RBFOX1: variants seen among roughly 807,000 people sequenced by gnomAD.
RBFOX1 encodes RNA binding protein fox-1 homolog 1.
RBFOX1 carries 8 observed loss-of-function variants against 57.7 expected under a neutral mutation model. The observed-to-expected ratio is 0.14, with a 90% CI of 0.08 to 0.25. RBFOX1 has a LOEUF of 0.25. Ranked by LOEUF, RBFOX1 falls within the 10% of genes least tolerant of loss-of-function variation. The probability of loss-of-function intolerance (pLI) is 1.00; values close to 1 mark genes in which losing one functional copy is unlikely to be tolerated. For missense variants in RBFOX1, 611 were observed against 548.5 expected, an observed-to-expected ratio of 1.11 and a Z score of -1.14; for synonymous variants, 326 against 222.4, an observed-to-expected ratio of 1.47 and a Z score of -4.15.
At chr16:6,313,836 T>A (rs956424453) in intron 1 of RBFOX1, among the ~76,000 whole-genome samples, 12 of 134,136 alleles carry the variant, frequency 8.9e-5, no homozygotes, top group Admixed American at 3.0e-4. Flanking sequence ...AAAAAAAAAA[T>A]AACACTAAAT....
At chr16:5,334,084 T>A (rs544052870) in intron 1 of RBFOX1, among the ~76,000 whole-genome samples, 79 of 152,118 alleles carry the variant, frequency 5.2e-4, no homozygotes, top group Non-Finnish European at 9.1e-4. Context: ...TCTTACAGAC[T>A]AAGAGTATTT....
chr16:6,617,927 T>A (rs927567362), intron 2 of RBFOX1, among the ~76,000 whole-genome samples: 2 of 152,152 alleles, frequency 1.3e-5, no homozygotes, highest in African/African-American at 4.8e-5. Flanking sequence ...AACAAAACTT[T>A]TCAAACATGG....
chr16:6,401,862 C>A (rs1394620577), intron 2 of RBFOX1, among the ~76,000 whole-genome samples: 1 of 151,638 alleles, frequency 6.6e-6, no homozygotes, highest in East Asian at 1.9e-4. Context: ...TCTAGTAAAT[C>A]CATCAATAAC....
At chr16:6,628,719 G>A (rs112632244) in intron 2 of RBFOX1, among the ~76,000 whole-genome samples, 1 of 152,124 alleles carries the variant, frequency 6.6e-6, no homozygotes, top group East Asian at 1.9e-4. Context: ...GGGACCGTTT[G>A]ATGAGGTTTG....
At position 7,368,330 on chromosome 16, in the gene RBFOX1, A is replaced by G. The variant is rs372556246; in HGVS notation, c.28-149817A>G. 2.6e-4 allele frequency among the ~76,000 whole-genome samples: 40 copies of G among 151,894 alleles called. 1 individual carries two copies. In the East Asian group the frequency reaches 2.7e-3, roughly 10 times the overall value. On this transcript the variant is annotated intron_variant, in intron 4 of 15. Coordinates refer to ENST00000550418, the MANE Select transcript of RBFOX1 (RefSeq NM_018723.4). ...TTTTCAAATTAGTGTTTGATAGTCT[A>G]TCCATTTTGGGGTTTCTTTCCCTGT...
At chr16:6,760,835 T>C (rs1482311035) in intron 3 of RBFOX1, among the ~76,000 whole-genome samples, 1 of 152,168 alleles carries the variant, frequency 6.6e-6, no homozygotes, top group Non-Finnish European at 1.5e-5. Context: ...CAACAGTGTG[T>C]GGCCCCAGGG....
chr16:5,858,627 G>C (rs971465233), intron 3 of RBFOX1, among the ~76,000 whole-genome samples: 15 of 152,214 alleles, frequency 9.9e-5, no homozygotes, highest in African/African-American at 2.9e-4. Flanking sequence ...TTTCAAGCAA[G>C]TGCATGTAAA....
At chr16:6,702,742 T>A (rs12445646) in intron 3 of RBFOX1, among the ~76,000 whole-genome samples, 71,548 of 152,186 alleles carry the variant, frequency 0.47, 19,847 homozygotes, top group Non-Finnish European at 0.61. Flanking sequence ...TTAGATTTTT[T>A]AAATTATTTT....
chr16:6,204,810 C>T (rs2097242976), intron 1 of RBFOX1, among the ~76,000 whole-genome samples: 2 of 151,958 alleles, frequency 1.3e-5, no homozygotes, highest in Non-Finnish European at 2.9e-5. Context: ...TGTGTGTGTG[C>T]CTGCATGTGT....
intron 3 of RBFOX1, among the ~76,000 whole-genome samples, chr16:7,008,140 A>G (rs529025927): frequency 2.0e-5 from 3 of 152,342 alleles, no homozygotes; most frequent in African/African-American, 7.2e-5. Context: ...AAAAAAATAT[A>G]TATCCACAGC....
In RBFOX1 at chr16:6,935,308, C is replaced by T. The variant is rs114640211; in HGVS notation, c.-15-116749C>T. 8.6e-3 allele frequency among the ~76,000 whole-genome samples: 1,313 copies of T among 152,176 alleles called. 25 individuals carry two copies. The highest frequency in any genetic ancestry group is 0.03 in the African/African-American group (1,245 of 41,526). ...GAGTGGTAGTTTCAGACGATCTCTC[C>T]AAGTCTTTGATAGTTTCCCTTCATA... On this transcript the variant is annotated intron_variant, in intron 3 of 15. Transcript: ENST00000550418.
In RBFOX1 at chr16:7,522,683, C is replaced by T. The variant is rs148300383; in HGVS notation, c.270+4294C>T. Among the ~76,000 whole-genome samples the T allele has an allele frequency of 1.2e-3, 190 of 152,030 alleles. 2 individuals are homozygous for T. The highest frequency in any genetic ancestry group is 4.3e-3 in the African/African-American group (177 of 41,434). The stretch of plus-strand genomic sequence containing the variant: ...TCAACTAATTTATGCCAACAAGGTC[C>T]CTACGTGGGGCACAAAAGACAGGAA... On this transcript the variant is annotated intron_variant, in intron 5 of 15. Coordinates refer to ENST00000550418, the MANE Select transcript of RBFOX1 (RefSeq NM_018723.4).
At chr16:5,670,106 A>G (rs752323684) in intron 3 of RBFOX1, among the ~76,000 whole-genome samples, 1 of 151,544 alleles carries the variant, frequency 6.6e-6, no homozygotes, top group Non-Finnish European at 1.5e-5. Flanking sequence ...TTAGGATTCC[A>G]TTTACCTGAA....
intron 4 of RBFOX1, among the ~76,000 whole-genome samples, chr16:7,191,961 C>A (rs2085497523): frequency 6.6e-6 from 1 of 152,216 alleles, no homozygotes; most frequent in Non-Finnish European, 1.5e-5. Context: ...TGAGCCGTCT[C>A]CCTCTAAGGA....
At chr16:5,289,969 A>G (rs1243786280) in intron 1 of RBFOX1, among the ~76,000 whole-genome samples, 4 of 152,256 alleles carry the variant, frequency 2.6e-5, no homozygotes, top group Admixed American at 2.6e-4. Context: ...TGAAAACAAC[A>G]CAAATGCTTG....
chr16:6,999,347 G>C (rs2092587223), intron 3 of RBFOX1, among the ~76,000 whole-genome samples: 1 of 151,118 alleles, frequency 6.6e-6, no homozygotes. Context: ...ATGAGCCGTT[G>C]TGCCTGGCCA....
At chr16:5,555,743 T>G (rs901577381) in intron 2 of RBFOX1, among the ~76,000 whole-genome samples, 18 of 150,804 alleles carry the variant, frequency 1.2e-4, no homozygotes, top group African/African-American at 3.9e-4. Context: ...CTCCCTCGGC[T>G]GGGTGCAGTG....
chr16:7,242,595 T>C (rs1430315382), intron 4 of RBFOX1, among the ~76,000 whole-genome samples: 1 of 152,126 alleles, frequency 6.6e-6, no homozygotes, highest in African/African-American at 2.4e-5. Flanking sequence ...TGGCTGAGAG[T>C]AAGCTGAACA....
intron 3 of RBFOX1, among the ~76,000 whole-genome samples, chr16:5,821,288 CTTTTTTTATTTTTTTTT>C (rs1007932354): frequency 7.2e-5 from 9 of 125,450 alleles, no homozygotes; most frequent in African/African-American, 2.8e-4. Flanking sequence ...GTCATTCTCT[CTTTTTTTATTTTTTTTT>C]TTTTTTTTGA....
Sources: allele counts gnomAD v4.1 joint callset (sites outside exome capture counted in the v4.1 genomes callset), GRCh38; gene constraint gnomAD v4.1.1; transcripts MANE v1.5; gene names NCBI Gene and HGNC (gene_info 2026-07-23, HGNC 2026-07-21).